PRKCA: variants seen among roughly 807,000 people sequenced by gnomAD.
PRKCA encodes the protein protein kinase C alpha type.
In PRKCA, 27 loss-of-function variants were observed where a neutral mutation model predicts 87.0. That is an observed-to-expected ratio of 0.31 (90% CI 0.23 to 0.43). The LOEUF (loss-of-function observed/expected upper bound fraction) is 0.43. PRKCA is among the 20% of genes least tolerant of loss of function. The probability of loss-of-function intolerance (pLI) is 1.00; values close to 1 mark genes in which losing one functional copy is unlikely to be tolerated. For synonymous variants in PRKCA, 329 were observed against 311.1 expected, an observed-to-expected ratio of 1.06 and a Z score of -0.61; for missense variants, 518 against 852.3, an observed-to-expected ratio of 0.61 and a Z score of 4.88.
intron 2 of PRKCA, among the ~76,000 whole-genome samples, chr17:66,308,421 C>T (rs1904930609): frequency 1.3e-5 from 2 of 151,850 alleles, no homozygotes; most frequent in Admixed American, 6.6e-5. Flanking sequence ...GTGTTTTAGC[C>T]ATTTGTGTTG....
chr17:66,467,984 G>T (rs969186088), intron 2 of PRKCA, among the ~76,000 whole-genome samples: 1 of 151,890 alleles, frequency 6.6e-6, no homozygotes, highest in South Asian at 2.1e-4. Context: ...CACTTTCCTC[G>T]TGTTTGACAG....
chr17:66,657,304 G>A (rs1350781928), intron 5 of PRKCA, among the ~76,000 whole-genome samples: 2 of 152,124 alleles, frequency 1.3e-5, no homozygotes, highest in Non-Finnish European at 2.9e-5. Context: ...ACCAAAGCAG[G>A]CACTTTTTCC....
At position 66,670,776 on chromosome 17, in the gene PRKCA, T is replaced by C. The variant is rs868347755; in HGVS notation, c.530-16335T>C. Among the ~76,000 whole-genome samples, 13 of 150,156 alleles carry C rather than the reference T, an allele frequency of 8.7e-5. No individual in the cohort carries two copies. The South Asian group carries it at 2.6e-3, about 29-fold the overall frequency. On this transcript the variant is annotated intron_variant, in intron 5 of 16. Transcript: ENST00000413366. ...ACTCGGGAGGCTGAGGTAGGAGGAT[T>C]GCTTGAGCACAGGAGGTCAAGGCTG...
intron 14 of PRKCA, among the ~76,000 whole-genome samples, chr17:66,782,578 G>C (rs1369489912): frequency 6.6e-6 from 1 of 152,202 alleles, no homozygotes; most frequent in Non-Finnish European, 1.5e-5. Flanking sequence ...CTCTAGCGCA[G>C]AGGCCAGTCG....
intron 5 of PRKCA, among the ~76,000 whole-genome samples, chr17:66,678,774 T>C (rs1309702168): frequency 6.6e-6 from 1 of 152,190 alleles, no homozygotes; most frequent in Non-Finnish European, 1.5e-5. Flanking sequence ...TTAGATACAT[T>C]TATGCTATTT....
chr17:66,473,000 T>C lies in PRKCA; in HGVS notation c.206-23201T>C, dbSNP rs1322862968. Among the ~76,000 whole-genome samples the C allele has an allele frequency of 2.0e-5, 3 of 152,130 alleles. No homozygotes were observed. In the East Asian group the frequency reaches 5.8e-4, roughly 29 times the overall value. ...GAAATTTAGAGCATCATCGTAACTGTAGCACCACCAAAAATAATAACCACA... is the reference window on the plus strand; with the variant it reads ...GAAATTTAGAGCATCATCGTAACTGCAGCACCACCAAAAATAATAACCACA... On this transcript the variant is annotated intron_variant, in intron 2 of 16. Coordinates refer to ENST00000413366, the MANE Select transcript of PRKCA (RefSeq NM_002737.3).
At chr17:66,592,223 T>C (rs1031776086) in intron 3 of PRKCA, among the ~76,000 whole-genome samples, 7 of 151,324 alleles carry the variant, frequency 4.6e-5, no homozygotes, top group Admixed American at 1.3e-4. Context: ...GGCATGGTGC[T>C]ACATGCCTGT....
intron 8 of PRKCA, among the ~76,000 whole-genome samples, chr17:66,714,025 T>C (rs1032271344): frequency 6.6e-6 from 1 of 152,118 alleles, no homozygotes; most frequent in African/African-American, 2.4e-5. Context: ...GTCACAATAA[T>C]TGTATTAATT....
intron 2 of PRKCA, among the ~76,000 whole-genome samples, chr17:66,375,091 AG>A (rs1341295376): frequency 6.6e-6 from 1 of 151,962 alleles, no homozygotes; most frequent in Admixed American, 6.6e-5. Context: ...TGCAGCCTTG[AG>A]GGGGGTAATA....
intron 3 of PRKCA, among the ~76,000 whole-genome samples, chr17:66,634,816 G>A (rs1451773501): frequency 2.6e-5 from 4 of 152,102 alleles, no homozygotes; most frequent in African/African-American, 4.8e-5. Context: ...TCCTCAGTTC[G>A]GCAGCATCCT....
At chr17:66,308,537 G>A (rs976475135) in intron 2 of PRKCA, among the ~76,000 whole-genome samples, 2 of 152,144 alleles carry the variant, frequency 1.3e-5, no homozygotes, top group Non-Finnish European at 2.9e-5. Context: ...CTTTGGTGAA[G>A]AATTTAACCT....
At chr17:66,374,673 G>A (rs1377968980) in intron 2 of PRKCA, among the ~76,000 whole-genome samples, 1 of 150,842 alleles carries the variant, frequency 6.6e-6, no homozygotes, top group African/African-American at 2.4e-5. Context: ...AATTACAACT[G>A]CCACTTGACT....
intron 2 of PRKCA, among the ~76,000 whole-genome samples, chr17:66,371,604 G>A (rs906374072): frequency 2.0e-5 from 3 of 152,120 alleles, no homozygotes; most frequent in Non-Finnish European, 4.4e-5. Flanking sequence ...CAGCATAAGA[G>A]CACTAGCCAC....
rs1482949631 is a variant in PRKCA at position 66,803,782 on chromosome 17, G to A, written c.1855-91G>A. On this transcript the variant is annotated intron_variant, in intron 16 of 16. Transcript: ENST00000413366. The surrounding 1 kb of genome is among the most constrained non-coding windows in gnomAD (Gnocchi z 4.4). Reference sequence around the variant, plus strand: ...CCTAACCAGCCCGGAGTTCCCCAGGGCCGTGCCCCTCCCCAGAGAGGGCCC... The same window carrying A: ...CCTAACCAGCCCGGAGTTCCCCAGGACCGTGCCCCTCCCCAGAGAGGGCCC... 12 of 1,541,446 alleles carry A rather than the reference G, an allele frequency of 7.8e-6. No homozygotes were observed. In the East Asian group the frequency reaches 2.0e-4, roughly 26 times the overall value.
chr17:66,801,208 A>G (rs1265168218), intron 16 of PRKCA, among the ~76,000 whole-genome samples: 1 of 152,182 alleles, frequency 6.6e-6, no homozygotes, highest in Non-Finnish European at 1.5e-5. Flanking sequence ...ACTCAGCCTC[A>G]CACAGTAGTC....
chr17:66,539,549 G>T (rs1279103265), intron 3 of PRKCA, among the ~76,000 whole-genome samples: 1 of 151,790 alleles, frequency 6.6e-6, no homozygotes, highest in South Asian at 2.1e-4. Flanking sequence ...GACTACAGGC[G>T]CCCGCCACCA....
intron 2 of PRKCA, among the ~76,000 whole-genome samples, chr17:66,324,060 T>G (rs1905834013): frequency 6.6e-6 from 1 of 152,088 alleles, no homozygotes; most frequent in Non-Finnish European, 1.5e-5. Flanking sequence ...AGATTAAAAT[T>G]GGGTTTTAGT....
At chr17:66,482,531 A>G (rs1915832313) in intron 2 of PRKCA, among the ~76,000 whole-genome samples, 1 of 152,252 alleles carries the variant, frequency 6.6e-6, no homozygotes, top group Admixed American at 6.5e-5. Flanking sequence ...AGGTTACTTC[A>G]CTGAGTACGA....
At chr17:66,643,527 A>G (rs1035931856) in intron 4 of PRKCA, among the ~76,000 whole-genome samples, 6 of 152,362 alleles carry the variant, frequency 3.9e-5, no homozygotes, top group South Asian at 2.1e-4. Flanking sequence ...TAACACTCAT[A>G]TGGTTTACAT....
Sources: gnomAD v4.1 joint callset for allele counts (sites outside exome capture counted in the v4.1 genomes callset) on GRCh38, gnomAD v4.1.1 for gene constraint, Gnocchi (gnomAD v3.1) non-coding constraint, MANE v1.5 for transcripts, NCBI Gene and HGNC (gene_info 2026-07-23, HGNC 2026-07-21) for gene names.